The following PAFAH1B1 variants were observed in gnomAD, a reference collection of about 807,000 sequenced individuals.
The protein encoded by PAFAH1B1 is platelet activating factor acetylhydrolase 1b regulatory subunit 1.
Under a neutral mutation model 57.5 loss-of-function variants are expected in PAFAH1B1, and 2 were observed. The observed-to-expected ratio is 0.03, with a 90% CI of 0.01 to 0.11. The LOEUF (loss-of-function observed/expected upper bound fraction) is 0.11, where lower values mean the gene tolerates loss of function less well. Among genes scored for constraint, PAFAH1B1 ranks in the 10% least tolerant of loss-of-function variants. The pLI, the probability that PAFAH1B1 is intolerant of heterozygous loss-of-function variation, is 1.00. For missense variants in PAFAH1B1, 257 were observed against 512.0 expected (o/e 0.50, Z 4.81); for synonymous variants, 152 against 169.6 (o/e 0.90, Z 0.81).
chr17:2,615,686 G>A (rs2068331112), intron 1 of PAFAH1B1, among the ~76,000 whole-genome samples: 1 of 151,960 alleles, frequency 6.6e-6, no homozygotes, highest in African/African-American at 2.4e-5. Flanking sequence ...TGATCCCCCT[G>A]CCTTGGCCTC....
Position 2,682,843 on chromosome 17 carries a change from CAG to C in PAFAH1B1, c.*1042_*1043del, listed in dbSNP as rs55976318. On this transcript the variant is annotated 3_prime_UTR_variant, in exon 11 of 11. Transcript: ENST00000397195. ...TCACTTACAAGTTTTAAAAAAATGA[CAG>C]GGTTTAATGGAGCGTGCATAAAAAT... 537 of 152,704 alleles carry C rather than the reference CAG, an allele frequency of 3.5e-3. 5 individuals carry two copies. Among genetic ancestry groups the C allele is most frequent in the Middle Eastern group, 6.8e-3 (2 of 294 alleles). The allele number at this position is 152,704 out of a possible 1,614,324, so 9.5% of individuals were successfully genotyped here. A position where few individuals can be genotyped will look rare whatever the true frequency, so the allele number is the denominator to read the frequency against.
upstream of PAFAH1B1, among the ~76,000 whole-genome samples, chr17:2,593,513 C>T (rs2068044912): frequency 6.6e-6 from 1 of 151,114 alleles, no homozygotes; most frequent in Non-Finnish European, 1.5e-5. Context: ...CGGCCCCGGC[C>T]CGGCCCAGCC....
chr17:2,657,640 G>GGT (rs1440127071), intron 2 of PAFAH1B1, among the ~76,000 whole-genome samples: 1 of 152,120 alleles, frequency 6.6e-6, no homozygotes, highest in Non-Finnish European at 1.5e-5. Flanking sequence ...TCCCTGCCTA[G>GGT]GTAATACTTA....
At chr17:2,667,391 G>C in intron 5 of PAFAH1B1, 193 bp downstream of exon 5, 2 of 546,006 alleles carry the variant, frequency 3.7e-6, no homozygotes, top group South Asian at 4.0e-5. Context: ...GAAAATGAGG[G>C]CCTATGAAGA....
At position 2,682,642 on chromosome 17, in the gene PAFAH1B1, A is replaced by T. The variant is rs1310506724; in HGVS notation, c.*840A>T. ...CTTCCAAGTAGAATTTAATCTCCCCATTGAGTGTGTCATGGTACAAATCAC... is the reference window on the plus strand; with the variant it reads ...CTTCCAAGTAGAATTTAATCTCCCCTTTGAGTGTGTCATGGTACAAATCAC... On this transcript the variant is annotated 3_prime_UTR_variant, in exon 11 of 11. Transcript: ENST00000397195. 6.6e-6 allele frequency: 1 copy of T among 152,632 alleles called. No individual in the cohort carries two copies. The highest frequency in any genetic ancestry group is 2.4e-5 in the African/African-American group (1 of 41,428). The allele number at this position is 152,632 out of a possible 1,614,324, so 9.5% of individuals were successfully genotyped here.
intron 1 of PAFAH1B1, among the ~76,000 whole-genome samples, chr17:2,634,557 A>AT (rs1322041846): frequency 6.6e-6 from 1 of 151,534 alleles, no homozygotes; most frequent in Non-Finnish European, 1.5e-5. Flanking sequence ...AATGCATCTC[A>AT]TTTTTTTTAT....
At chr17:2,626,985 G>T (rs912352280) in intron 1 of PAFAH1B1, among the ~76,000 whole-genome samples, 3 of 152,116 alleles carry the variant, frequency 2.0e-5, no homozygotes, top group Non-Finnish European at 4.4e-5. Flanking sequence ...GTAGATTCTG[G>T]ATATCAGTCC....
rs565573101 is a variant in PAFAH1B1 at position 2,615,122 on chromosome 17, CAATAT to C, written c.-191+21119_-191+21123del. On this transcript the variant is annotated intron_variant, in intron 1 of 10. Transcript: ENST00000397195. ...TCCTGTCATTATTCCCTGAACAATA[CAATAT>C]AACAACTATTTACATAGCTTTTATT... Among the ~76,000 whole-genome samples the C allele has an allele frequency of 2.4e-4, 36 of 152,224 alleles. 1 individual carries two copies. The South Asian group carries it at 3.7e-3, about 16-fold the overall frequency.
chr17:2,650,278 G>A (rs369777892), intron 2 of PAFAH1B1, among the ~76,000 whole-genome samples: 2,994 of 149,162 alleles, frequency 0.02, 106 homozygotes, highest in African/African-American at 0.073. Flanking sequence ...TTGGGAGGCC[G>A]AGGCGGGTGG....
chr17:2,601,184 G>C (rs2068139204), intron 1 of PAFAH1B1, among the ~76,000 whole-genome samples: 1 of 151,382 alleles, frequency 6.6e-6, no homozygotes, highest in South Asian at 2.1e-4. Flanking sequence ...GCCCAGGCTG[G>C]AGTGCAGTGT....
rs919684866 is a variant in PAFAH1B1, at chr17:2,684,856, T to A, written c.*3054T>A. ...CCCCGCCTCCCCGCTGCCAGTGCCC[T>A]GCTCTCCCGTTCGCCTCTTTCTGTT... On this transcript the variant is annotated 3_prime_UTR_variant, in exon 11 of 11. Transcript: ENST00000397195. 6.6e-6 allele frequency: 1 copy of A among 152,586 alleles called. No homozygotes were observed. The highest frequency in any genetic ancestry group is 2.4e-5 in the African/African-American group (1 of 41,460). The allele number at this position is 152,586 out of a possible 1,614,324, so 9.5% of individuals were successfully genotyped here.
At chr17:2,622,649 C>A (rs1597527049) in intron 1 of PAFAH1B1, among the ~76,000 whole-genome samples, 2 of 152,166 alleles carry the variant, frequency 1.3e-5, no homozygotes, top group African/African-American at 2.4e-5. Context: ...GCAGCTTTTC[C>A]AGGCGACAGT....
intron 1 of PAFAH1B1, among the ~76,000 whole-genome samples, chr17:2,629,341 C>T (rs2068529656): frequency 6.6e-6 from 1 of 152,128 alleles, no homozygotes; most frequent in African/African-American, 2.4e-5. Context: ...ATCTTGATTT[C>T]ATTTTTGACC....
intron 1 of PAFAH1B1, among the ~76,000 whole-genome samples, chr17:2,620,764 A>G (rs2068411098): frequency 6.6e-6 from 1 of 152,086 alleles, no homozygotes; most frequent in Non-Finnish European, 1.5e-5. Flanking sequence ...CGGGAGGCTG[A>G]GGTAGGAGAA....
intron 1 of PAFAH1B1, among the ~76,000 whole-genome samples, chr17:2,605,461 G>T (rs182664556): frequency 1.3e-5 from 2 of 152,136 alleles, no homozygotes; most frequent in Non-Finnish European, 2.9e-5. Context: ...CAAAACTATG[G>T]TACTGAATAG....
intron 2 of PAFAH1B1, among the ~76,000 whole-genome samples, chr17:2,656,882 T>C (rs554327539): frequency 1.3e-4 from 18 of 134,994 alleles, no homozygotes; most frequent in Admixed American, 8.6e-4. Flanking sequence ...TCTGTTTCTG[T>C]TTCTAGCCAT....
At chr17:2,640,020 A>G (rs1251295386) in intron 2 of PAFAH1B1, 2 of 152,172 alleles carry the variant, frequency 1.3e-5, no homozygotes, top group African/African-American at 4.8e-5. Flanking sequence ...CATTGTTAAC[A>G]TTTTGTACCA....
At chr17:2,676,635 T>C in intron 9 of PAFAH1B1, 29 bp downstream of exon 9, 1 of 1,281,650 alleles carries the variant, frequency 7.8e-7, no homozygotes, top group Non-Finnish European at 1.1e-6. Context: ...ACCATTTCTT[T>C]TGCATCTTCA....
chr17:2,620,939 T>C (rs1347170979), intron 1 of PAFAH1B1, among the ~76,000 whole-genome samples: 1 of 152,108 alleles, frequency 6.6e-6, no homozygotes, highest in East Asian at 1.9e-4. Flanking sequence ...ACATCTTTAA[T>C]TCTTTACCAG....
Sources: gnomAD v4.1 joint callset for allele counts (sites outside exome capture counted in the v4.1 genomes callset) on GRCh38, gnomAD v4.1.1 for gene constraint, MANE v1.5 for transcripts, NCBI Gene and HGNC (gene_info 2026-07-23, HGNC 2026-07-21) for gene names.